POLR1A: variants seen among roughly 807,000 people sequenced by gnomAD.
POLR1A encodes DNA-directed RNA polymerase I subunit RPA1.
Under a neutral mutation model 205.3 loss-of-function variants are expected in POLR1A, and 84 were observed. The observed-to-expected ratio is 0.41, with a 90% CI of 0.34 to 0.49. The LOEUF is 0.49. POLR1A is among the 20% of genes least tolerant of loss of function. POLR1A has a pLI of 0.22. For missense variants in POLR1A, 1,645 were observed against 2,204.5 expected (o/e 0.75, Z 5.08); for synonymous variants, 799 against 863.7 (o/e 0.93, Z 1.31).
intron 3 of POLR1A, among the ~76,000 whole-genome samples, chr2:86,090,223 G>A (rs1189073638): frequency 6.6e-6 from 1 of 151,910 alleles, no homozygotes; most frequent in Non-Finnish European, 1.5e-5. Flanking sequence ...GTGAAATCCT[G>A]TCTCTACCAA....
intron 14 of POLR1A, 94 bp from the exon 15 acceptor site, chr2:86,054,383 C>T: frequency 7.8e-7 from 1 of 1,275,244 alleles, no homozygotes; most frequent in Non-Finnish European, 1.1e-6. Flanking sequence ...AAGAACTTCC[C>T]TTTTAGGACC....
chr2:86,034,327 G>C (rs1672456728), intron 27 of POLR1A, among the ~76,000 whole-genome samples: 1 of 152,194 alleles, frequency 6.6e-6, no homozygotes, highest in Non-Finnish European at 1.5e-5. Context: ...TCTGGCCAGA[G>C]AACTCCCTTG....
chr2:86,077,540 G>A (rs1222855022), intron 11 of POLR1A, among the ~76,000 whole-genome samples: 2 of 152,114 alleles, frequency 1.3e-5, no homozygotes, highest in Non-Finnish European at 2.9e-5. Context: ...GGCTGAAGTG[G>A]GCAGGAGGAA....
At position 86,022,315 on chromosome 2, in the gene POLR1A, AG is replaced by A. The variant is rs1690160353; in HGVS notation, c.*5107del. On this transcript the variant is annotated 3_prime_UTR_variant, in exon 34 of 34. Coordinates refer to ENST00000263857, the MANE Select transcript of POLR1A (RefSeq NM_015425.6). The stretch of plus-strand genomic sequence containing the variant: ...TTGGACCCCACTGTAAAGTCCTTGC[AG>A]ACATCTGTCATGGCACGATGACAGC... The A allele has an allele frequency of 6.6e-6, 1 of 152,252 alleles. No homozygotes were observed. The highest frequency in any genetic ancestry group is 1.9e-4 in the East Asian group (1 of 5,182). 9.4% of individuals were successfully genotyped at this position (152,252 alleles called of 1,614,324 possible).
intron 14 of POLR1A, among the ~76,000 whole-genome samples, chr2:86,060,764 C>G (rs1260362663): frequency 1.3e-5 from 2 of 152,166 alleles, no homozygotes; most frequent in African/African-American, 4.8e-5. Context: ...GGAATACCTA[C>G]AAGACCTCAG....
intron 3 of POLR1A, among the ~76,000 whole-genome samples, chr2:86,091,655 C>T (rs1470166045): frequency 1.3e-5 from 2 of 152,028 alleles, no homozygotes; most frequent in African/African-American, 4.8e-5. Flanking sequence ...TAATTTTATG[C>T]CAATAAATCT....
Position 86,041,186 on chromosome 2 carries a change from T to C in POLR1A, c.3573-627A>G, listed in dbSNP as rs1480290916. Among the ~76,000 whole-genome samples, 533 of 65,122 alleles carry C rather than the reference T, an allele frequency of 8.2e-3. 8 individuals carry two copies. Among genetic ancestry groups the C allele is most frequent in the African/African-American group, 0.021 (488 of 23,522 alleles). The allele number at this position is 65,122 out of a possible 152,430, so 42.7% of individuals were successfully genotyped here. On this transcript the variant is annotated intron_variant, in intron 24 of 33. Coordinates refer to ENST00000263857, the MANE Select transcript of POLR1A (RefSeq NM_015425.6). ...GTGTGTGTGTGTGTGTGTGTGTGTGTGTGTGCGCGCTGAGCTACAGTGTCT... is the reference window on the plus strand; with the variant it reads ...GTGTGTGTGTGTGTGTGTGTGTGTGCGTGTGCGCGCTGAGCTACAGTGTCT...
At chr2:86,088,743 G>T in intron 5 of POLR1A, 42 bp downstream of exon 5, 1 of 1,589,086 alleles carries the variant, frequency 6.3e-7, no homozygotes, top group Non-Finnish European at 8.6e-7. Context: ...ATGAGTGACT[G>T]CCCAGAGACG....
chr2:86,074,395 T>G (rs1166198573), intron 12 of POLR1A, among the ~76,000 whole-genome samples: 3 of 152,174 alleles, frequency 2.0e-5, no homozygotes, highest in Non-Finnish European at 4.4e-5. Context: ...CAACAACTGC[T>G]GCCACTGTTG....
At chr2:86,041,224 G>A (rs1573806193) in intron 24 of POLR1A, among the ~76,000 whole-genome samples, 1 of 144,552 alleles carries the variant, frequency 6.9e-6, no homozygotes, top group Non-Finnish European at 1.5e-5. Context: ...GTGTGTGTGT[G>A]TGTGTGCTGA....
chr2:86,073,230 A>G (rs1238903624), intron 12 of POLR1A, among the ~76,000 whole-genome samples: 1 of 148,372 alleles, frequency 6.7e-6, no homozygotes, highest in Non-Finnish European at 1.5e-5. Context: ...AAAAAAAATG[A>G]CAGGTTTTGG....
At position 86,028,566 on chromosome 2, in the gene POLR1A, C is replaced by T. The variant is rs200147381; in HGVS notation, c.4897+28G>A. 97 of 1,538,916 alleles carry T rather than the reference C, an allele frequency of 6.3e-5. No individual in the cohort carries two copies. Among genetic ancestry groups the T allele is most frequent in the South Asian group, 1.8e-4 (16 of 89,608 alleles). ...GGTGTCCTGGCTGGTGCCCAGACCT[C>T]GGGGTGTTATCTGCAAGCTCCCCTT... On this transcript the variant is annotated intron_variant, in intron 32 of 33. Transcript: ENST00000263857. The surrounding 1 kb of genome is among the most constrained non-coding windows in gnomAD (Gnocchi z 4.5).
At chr2:86,081,831 G>T in intron 7 of POLR1A, 125 bp from the exon 8 acceptor site, 2 of 632,102 alleles carry the variant, frequency 3.2e-6, no homozygotes, top group Non-Finnish European at 5.5e-6. Flanking sequence ...TAGAGTTAAG[G>T]TCACAGTTTT....
intron 1 of POLR1A, among the ~76,000 whole-genome samples, chr2:86,105,435 G>A (rs1388283485): frequency 2.0e-5 from 3 of 152,178 alleles, no homozygotes; most frequent in Non-Finnish European, 4.4e-5. Flanking sequence ...GAGACTGGCA[G>A]ATGATAACGC....
chr2:86,054,655 T>C (rs1672864244), intron 14 of POLR1A, among the ~76,000 whole-genome samples: 1 of 152,210 alleles, frequency 6.6e-6, no homozygotes, highest in African/African-American at 2.4e-5. Flanking sequence ...TACTCAGATA[T>C]TTCTTTACTA....
chr2:86,063,833 T>G (rs1673042568), intron 14 of POLR1A, among the ~76,000 whole-genome samples: 1 of 152,200 alleles, frequency 6.6e-6, no homozygotes, highest in South Asian at 2.1e-4. Context: ...ACCTAGGCAT[T>G]TTATGTATAA....
At chr2:86,102,030 C>T (rs1673830758) in intron 1 of POLR1A, among the ~76,000 whole-genome samples, 1 of 152,164 alleles carries the variant, frequency 6.6e-6, no homozygotes, top group African/African-American at 2.4e-5. Flanking sequence ...ATGTATCAAC[C>T]CATCCATTGA....
At chr2:86,055,548 G>A (rs1480162231) in intron 14 of POLR1A, among the ~76,000 whole-genome samples, 1 of 152,160 alleles carries the variant, frequency 6.6e-6, no homozygotes, top group Non-Finnish European at 1.5e-5. Flanking sequence ...GTCCTGGGGT[G>A]CCTACTTCAA....
chr2:86,082,328 C>A (rs1270565598), intron 7 of POLR1A, among the ~76,000 whole-genome samples: 1 of 152,096 alleles, frequency 6.6e-6, no homozygotes, highest in Non-Finnish European at 1.5e-5. Flanking sequence ...AGACAGCACA[C>A]ACATCATTAC....
Sources: allele counts gnomAD v4.1 joint callset (sites outside exome capture counted in the v4.1 genomes callset), GRCh38; gene constraint gnomAD v4.1.1; non-coding constraint Gnocchi (gnomAD v3.1); transcripts MANE v1.5; gene names NCBI Gene and HGNC (gene_info 2026-07-23, HGNC 2026-07-21).